The following CLMN variants were observed in gnomAD, a reference collection of about 807,000 sequenced individuals.
CLMN encodes calmin.
A neutral mutation model predicts 92.7 loss-of-function variants in CLMN; 57 were observed. The observed-to-expected ratio is 0.61, with a 90% CI of 0.50 to 0.77. The LOEUF (loss-of-function observed/expected upper bound fraction) is 0.77. CLMN is among the 30% of genes least tolerant of loss of function. The pLI, the probability that CLMN is intolerant of heterozygous loss-of-function variation, is 0.00. For missense variants in CLMN, 1,158 were observed against 1,237.5 expected (o/e 0.94, Z 0.96); for synonymous variants, 466 against 470.6 (o/e 0.99, Z 0.13).
At chr14:95,316,275 C>G (rs1901765509) in intron 1 of CLMN, among the ~76,000 whole-genome samples, 1 of 152,256 alleles carries the variant, frequency 6.6e-6, no homozygotes, top group Non-Finnish European at 1.5e-5. Flanking sequence ...CTTCTCTTCT[C>G]CAAAAAGGTC....
chr14:95,257,145 A>G (rs1279942304), intron 1 of CLMN, among the ~76,000 whole-genome samples: 1 of 152,218 alleles, frequency 6.6e-6, no homozygotes, highest in African/African-American at 2.4e-5. Context: ...AGAATGCGTG[A>G]TCTTTCATCC....
intron 1 of CLMN, among the ~76,000 whole-genome samples, chr14:95,234,856 G>A (rs960594823): frequency 6.6e-6 from 1 of 152,228 alleles, no homozygotes; most frequent in African/African-American, 2.4e-5. Context: ...CAGAGAAAGG[G>A]ATGCACGCAT....
At position 95,191,488 on chromosome 14, in the gene CLMN, C is replaced by A; in HGVS notation, c.*76G>T. 2 of 1,363,392 alleles carry A rather than the reference C, an allele frequency of 1.5e-6. No homozygotes were observed. The highest frequency in any genetic ancestry group is 2.5e-5 in the East Asian group (1 of 40,432). The allele number at this position is 1,363,392 out of a possible 1,614,324, so 84.5% of individuals were successfully genotyped here. ...CTCAACTGTCTGTAGAAGTGCCCCA[C>A]CCAGAACCCAAAATAAAATGAAGTA... On this transcript the variant is annotated 3_prime_UTR_variant, in exon 13 of 13. Coordinates refer to ENST00000298912, the MANE Select transcript of CLMN (RefSeq NM_024734.4). This position sits in a 1 kb window ranked among gnomAD's most constrained non-coding sequence, Gnocchi z 5.3.
At chr14:95,282,693 C>T (rs1900186789) in intron 1 of CLMN, among the ~76,000 whole-genome samples, 1 of 152,248 alleles carries the variant, frequency 6.6e-6, no homozygotes, top group Non-Finnish European at 1.5e-5. Context: ...CTTGCCACCT[C>T]AGCCCAGGAA....
At chr14:95,193,600 C>G (rs941333207) in intron 12 of CLMN, among the ~76,000 whole-genome samples, 5 of 152,194 alleles carry the variant, frequency 3.3e-5, no homozygotes, top group Non-Finnish European at 7.3e-5. Flanking sequence ...GAACCCAGAC[C>G]CGTCTTTAAA....
intron 1 of CLMN, among the ~76,000 whole-genome samples, chr14:95,287,721 C>T (rs923959667): frequency 5.9e-5 from 9 of 152,196 alleles, no homozygotes; most frequent in Non-Finnish European, 2.9e-5. Context: ...AAAGCTCAGA[C>T]AACACTGGCT....
intron 1 of CLMN, among the ~76,000 whole-genome samples, chr14:95,309,842 G>A (rs17191128): frequency 0.034 from 5,176 of 152,048 alleles, 140 homozygotes; most frequent in Middle Eastern, 0.082. Context: ...ATTTACTTGC[G>A]TATGAGATTC....
chr14:95,293,652 T>C (rs74077845), intron 1 of CLMN, among the ~76,000 whole-genome samples: 5,072 of 151,486 alleles, frequency 0.033, 297 homozygotes, highest in African/African-American at 0.11. Context: ...GGCAGAGACA[T>C]GTGGGTGTAC....
At chr14:95,273,417 A>G (rs1249168511) in intron 1 of CLMN, among the ~76,000 whole-genome samples, 3 of 152,202 alleles carry the variant, frequency 2.0e-5, no homozygotes, top group African/African-American at 4.8e-5. Context: ...CAGGGAGAAG[A>G]AGGAGAAGGA....
chr14:95,256,310 G>A lies in CLMN; in HGVS notation c.83-26177C>T, dbSNP rs1898997166. On this transcript the variant is annotated intron_variant, in intron 1 of 12. Transcript: ENST00000298912. The surrounding 1 kb of genome is among the most constrained non-coding windows in gnomAD (Gnocchi z 4.9). ...TTCTATTCACAAAAGAGCACAGACT[G>A]ATCAGGCTTCATGAATGTTTAATGG... Among the ~76,000 whole-genome samples the A allele has an allele frequency of 6.6e-6, 1 of 152,226 alleles. No individual in the cohort carries two copies. The highest frequency in any genetic ancestry group is 2.1e-4 in the South Asian group (1 of 4,828).
At chr14:95,275,479 G>C (rs773580827) in intron 1 of CLMN, among the ~76,000 whole-genome samples, 1 of 152,078 alleles carries the variant, frequency 6.6e-6, no homozygotes, top group South Asian at 2.1e-4. Context: ...CCATGACAAC[G>C]TCTGGAAGTT....
chr14:95,264,008 C>CTTTA (rs34763756), intron 1 of CLMN, among the ~76,000 whole-genome samples: 22,650 of 143,644 alleles, frequency 0.16, 2,065 homozygotes, highest in East Asian at 0.31. Flanking sequence ...CACCTTATTA[C>CTTTA]TTTATTTATT....
intron 12 of CLMN, chr14:95,192,112 A>C (rs1896577232): frequency 5.8e-6 from 1 of 171,946 alleles, no homozygotes; most frequent in Admixed American, 6.2e-5. Flanking sequence ...TTGATGCCAC[A>C]GTGCTCTCAG....
chr14:95,240,196 T>C (rs1898197182), intron 1 of CLMN, among the ~76,000 whole-genome samples: 1 of 152,234 alleles, frequency 6.6e-6, no homozygotes, highest in Non-Finnish European at 1.5e-5. Context: ...TGAAGCGATG[T>C]AGGACTGCAC....
At chr14:95,246,665 C>T (rs1898584928) in intron 1 of CLMN, among the ~76,000 whole-genome samples, 1 of 152,132 alleles carries the variant, frequency 6.6e-6, no homozygotes, top group South Asian at 2.1e-4. Flanking sequence ...GGTGGGGTTT[C>T]ACTGTGTTAG....
chr14:95,208,833 C>T (rs1412978508), intron 8 of CLMN, among the ~76,000 whole-genome samples: 1 of 152,164 alleles, frequency 6.6e-6, no homozygotes, highest in African/African-American at 2.4e-5. Flanking sequence ...AATCTCTCAC[C>T]ATCCTGCTCT....
At chr14:95,204,512 C>CA in intron 8 of CLMN, 49 bp from the exon 9 acceptor site, 2 of 1,477,582 alleles carry the variant, frequency 1.4e-6, no homozygotes, top group Non-Finnish European at 1.8e-6. Context: ...AAAAGAACAA[C>CA]AACAAAAAAA....
In CLMN at chr14:95,194,783, G is replaced by A. The variant is rs1896656495; in HGVS notation, c.2709-187C>T. ...TTGGTTGGACAGTGCTTACAAATAGGATGGATATTAGTGATACACACATTG... is the reference window on the plus strand; with the variant it reads ...TTGGTTGGACAGTGCTTACAAATAGAATGGATATTAGTGATACACACATTG... On this transcript the variant is annotated intron_variant, in intron 10 of 12. Transcript: ENST00000298912. The surrounding 1 kb of genome is among the most constrained non-coding windows in gnomAD (Gnocchi z 4.0). 1.3e-5 allele frequency among the ~76,000 whole-genome samples: 2 copies of A among 152,180 alleles called. No homozygotes were observed. The highest frequency in any genetic ancestry group is 2.9e-5 in the Non-Finnish European group (2 of 68,034).
intron 1 of CLMN, among the ~76,000 whole-genome samples, chr14:95,245,600 A>G (rs1595053602): frequency 6.9e-6 from 1 of 144,550 alleles, no homozygotes; most frequent in South Asian, 2.4e-4. Flanking sequence ...GGATGGATGG[A>G]TGAATGAATG....
Sources: gnomAD v4.1 joint callset for allele counts (sites outside exome capture counted in the v4.1 genomes callset) on GRCh38, gnomAD v4.1.1 for gene constraint, Gnocchi (gnomAD v3.1) non-coding constraint, MANE v1.5 for transcripts, NCBI Gene and HGNC (gene_info 2026-07-23, HGNC 2026-07-21) for gene names.